SCAPER: variants seen among roughly 807,000 people sequenced by gnomAD.
SCAPER encodes S-phase cyclin A associated protein in the ER.
Under a neutral mutation model 182.2 loss-of-function variants are expected in SCAPER, and 98 were observed. The ratio of observed to expected loss-of-function variants is 0.54; its 90% CI spans 0.46 to 0.64. The LOEUF is 0.64. Among genes scored for constraint, SCAPER ranks in the 30% least tolerant of loss-of-function variants. SCAPER has a pLI of 0.00. For missense variants in SCAPER, 1,432 were observed against 1,690.0 expected, an observed-to-expected ratio of 0.85 and a Z score of 2.68; for synonymous variants, 605 against 564.6, an observed-to-expected ratio of 1.07 and a Z score of -1.01.
At chr15:76,786,818 C>T (rs2064645461) in intron 8 of SCAPER, among the ~76,000 whole-genome samples, 1 of 152,062 alleles carries the variant, frequency 6.6e-6, no homozygotes, top group Non-Finnish European at 1.5e-5. Flanking sequence ...GATACAAGAC[C>T]AACACTCTAA....
intron 27 of SCAPER, among the ~76,000 whole-genome samples, chr15:76,401,214 T>C (rs2044432929): frequency 6.6e-6 from 1 of 152,146 alleles, no homozygotes. Context: ...ATTTCCACTC[T>C]GAAGAACTGT....
chr15:76,780,926 G>C (rs1198070615), intron 8 of SCAPER, among the ~76,000 whole-genome samples: 3 of 152,164 alleles, frequency 2.0e-5, no homozygotes, highest in African/African-American at 7.2e-5. Context: ...ACAAAGATGG[G>C]GAGAAACCAG....
rs539961457 is a variant in SCAPER at position 76,889,093 on chromosome 15, G to A, written c.-59-5217C>T. Among the ~76,000 whole-genome samples, 7 of 152,200 alleles carry A rather than the reference G, an allele frequency of 4.6e-5. No homozygotes were observed. In the South Asian group the frequency reaches 1.5e-3, roughly 32 times the overall value. ...AGCCAAACTAAGCTTCAGAAGTGAA[G>A]GAGAAATAAAATCCTTTACAGACAA... On this transcript the variant is annotated intron_variant, in intron 1 of 31. Transcript: ENST00000563290.
At chr15:76,407,644 C>T (rs1403531186) in intron 26 of SCAPER, among the ~76,000 whole-genome samples, 1 of 152,074 alleles carries the variant, frequency 6.6e-6, no homozygotes, top group African/African-American at 2.4e-5. Context: ...CATAATTTCA[C>T]CTTTTAAAGA....
intron 17 of SCAPER, among the ~76,000 whole-genome samples, chr15:76,719,194 T>C (rs1365457210): frequency 2.6e-5 from 4 of 152,132 alleles, no homozygotes; most frequent in Admixed American, 2.0e-4. Flanking sequence ...GTAGTATACA[T>C]ACCATTTAGC....
intron 16 of SCAPER, among the ~76,000 whole-genome samples, chr15:76,729,235 A>C (rs1255795333): frequency 6.6e-6 from 1 of 151,324 alleles, no homozygotes; most frequent in Non-Finnish European, 1.5e-5. Flanking sequence ...TTAATACTTA[A>C]TAAACTCATA....
At chr15:76,533,777 A>G (rs1435628640) in intron 23 of SCAPER, among the ~76,000 whole-genome samples, 2 of 152,068 alleles carry the variant, frequency 1.3e-5, no homozygotes, top group Non-Finnish European at 2.9e-5. Flanking sequence ...GTGCAAGTAA[A>G]GGGCTACTCC....
chr15:76,719,974 A>C (rs1336478804), intron 17 of SCAPER, among the ~76,000 whole-genome samples: 1 of 151,956 alleles, frequency 6.6e-6, no homozygotes, highest in African/African-American at 2.4e-5. Flanking sequence ...ACATGTGCAC[A>C]ACGTGCAGGT....
intron 26 of SCAPER, among the ~76,000 whole-genome samples, chr15:76,433,525 A>G (rs1202275626): frequency 6.6e-6 from 1 of 152,158 alleles, no homozygotes; most frequent in Non-Finnish European, 1.5e-5. Context: ...CAACAAAAAA[A>G]CAACCAAGAA....
chr15:76,567,722 T>A (rs2047144463), intron 23 of SCAPER, among the ~76,000 whole-genome samples: 3 of 152,190 alleles, frequency 2.0e-5, no homozygotes, highest in Non-Finnish European at 4.4e-5. Context: ...TTAGTTTGTT[T>A]TTGCATTTCA....
intron 5 of SCAPER, among the ~76,000 whole-genome samples, chr15:76,818,408 C>T (rs1298211367): frequency 2.0e-5 from 3 of 152,094 alleles, no homozygotes; most frequent in African/African-American, 7.2e-5. Context: ...TTGTTAGATA[C>T]AACACCAAAG....
intron 22 of SCAPER, among the ~76,000 whole-genome samples, chr15:76,620,395 C>T (rs573957959): frequency 2.3e-4 from 35 of 152,196 alleles, no homozygotes; most frequent in Non-Finnish European, 3.7e-4. Context: ...TCTCTTGTTG[C>T]TTCTACTAGT....
intron 25 of SCAPER, among the ~76,000 whole-genome samples, chr15:76,444,788 T>G (rs2047879220): frequency 6.6e-6 from 1 of 152,224 alleles, no homozygotes; most frequent in Non-Finnish European, 1.5e-5. Context: ...CCTTAGGTTC[T>G]GGTCACTTAA....
At chr15:76,582,659 A>C (rs2048350708) in intron 22 of SCAPER, among the ~76,000 whole-genome samples, 1 of 152,254 alleles carries the variant, frequency 6.6e-6, no homozygotes, top group Non-Finnish European at 1.5e-5. Context: ...CTGAGCAAAA[A>C]GAACGAAACA....
At chr15:76,726,292 G>T (rs1023765988) in intron 17 of SCAPER, among the ~76,000 whole-genome samples, 5 of 150,478 alleles carry the variant, frequency 3.3e-5, no homozygotes, top group Non-Finnish European at 7.4e-5. Context: ...AATCACTAGG[G>T]AAATGCAAAT....
intron 23 of SCAPER, among the ~76,000 whole-genome samples, chr15:76,524,871 T>C (rs987854153): frequency 2.0e-5 from 3 of 151,986 alleles, no homozygotes; most frequent in African/African-American, 7.2e-5. Flanking sequence ...AATAATCCAT[T>C]GTATGCCCCT....
At chr15:76,521,391 G>A (rs1597172568) in intron 23 of SCAPER, among the ~76,000 whole-genome samples, 1 of 150,240 alleles carries the variant, frequency 6.7e-6, no homozygotes. Context: ...TCTAAGGTCA[G>A]AAAAAAAAAC....
Position 76,797,357 on chromosome 15 carries a change from T to C in SCAPER, c.612-1917A>G, listed in dbSNP as rs2065403853. 5 of 152,232 alleles carry C rather than the reference T, an allele frequency of 3.3e-5. No individual in the cohort carries two copies. The South Asian group carries it at 1.0e-3, about 32-fold the overall frequency. The allele number at this position is 152,232 out of a possible 1,614,324, so 9.4% of individuals were successfully genotyped here. ...TTTAAAATAATACAACTACCAGAGA[T>C]TGAAATACCATTTGAAGCAAACAAA... is the stretch of plus-strand genomic sequence containing the variant. On this transcript the variant is annotated intron_variant, in intron 7 of 31. Transcript: ENST00000563290.
At chr15:76,548,847 A>G (rs1444195691) in intron 23 of SCAPER, among the ~76,000 whole-genome samples, 1 of 152,244 alleles carries the variant, frequency 6.6e-6, no homozygotes, top group African/African-American at 2.4e-5. Context: ...AAACCCTAGA[A>G]GAAAACCTAG....
Sources: gnomAD v4.1 joint callset for allele counts (sites outside exome capture counted in the v4.1 genomes callset) on GRCh38, gnomAD v4.1.1 for gene constraint, MANE v1.5 for transcripts, NCBI Gene and HGNC (gene_info 2026-07-23, HGNC 2026-07-21) for gene names.